Variants in PHLPP1 observed in about 807,000 individuals in gnomAD.
The protein encoded by PHLPP1 is PH domain leucine-rich repeat-containing protein phosphatase 1.
A neutral mutation model predicts 117.2 loss-of-function variants in PHLPP1; 42 were observed. The ratio of observed to expected loss-of-function variants is 0.36; its 90% CI spans 0.28 to 0.46. The LOEUF (loss-of-function observed/expected upper bound fraction) is 0.46, where lower values mean the gene tolerates loss of function less well. PHLPP1 is among the 20% of genes least tolerant of loss of function. PHLPP1 has a pLI of 1.00. For synonymous variants in PHLPP1, 1,042 were observed against 970.7 expected (o/e 1.07, Z -1.37); for missense variants, 2,084 against 2,241.9 (o/e 0.93, Z 1.42).
In PHLPP1 at chr18:62,848,960, A is replaced by G. The variant is rs554558050; in HGVS notation, c.1899+10051A>G. Among the ~76,000 whole-genome samples, 3 of 152,376 alleles carry G rather than the reference A, an allele frequency of 2.0e-5. No homozygotes were observed. The South Asian group carries it at 6.2e-4, about 32-fold the overall frequency. On this transcript the variant is annotated intron_variant, in intron 3 of 16. Coordinates refer to ENST00000262719, the MANE Select transcript of PHLPP1 (RefSeq NM_194449.4). ...GACTGAAAACAAAGATTTAAATAAT[A>G]ACTAAGATTTACTGAAAATATCTCA...
At chr18:62,733,155 G>T (rs1911273060) in intron 1 of PHLPP1, among the ~76,000 whole-genome samples, 1 of 152,206 alleles carries the variant, frequency 6.6e-6, no homozygotes, top group Non-Finnish European at 1.5e-5. Flanking sequence ...GAAATCTTTT[G>T]TGAAAGGAAT....
At chr18:62,810,955 A>T (rs948676353) in intron 1 of PHLPP1, among the ~76,000 whole-genome samples, 1 of 152,176 alleles carries the variant, frequency 6.6e-6, no homozygotes, top group Non-Finnish European at 1.5e-5. Context: ...TTAAGATGAG[A>T]TCATACTGGA....
At chr18:62,786,659 T>A (rs141475482) in intron 1 of PHLPP1, among the ~76,000 whole-genome samples, 1 of 152,246 alleles carries the variant, frequency 6.6e-6, no homozygotes, top group African/African-American at 2.4e-5. Context: ...GAATAAAAAA[T>A]CATTGACTTT....
chr18:62,764,193 C>T (rs1912376323), intron 1 of PHLPP1, among the ~76,000 whole-genome samples: 1 of 149,318 alleles, frequency 6.7e-6, no homozygotes, highest in African/African-American at 2.5e-5. Context: ...ACAACAACAA[C>T]CAAAAAAACA....
chr18:62,975,368 G>T, intron 15 of PHLPP1, 29 bp from the exon 16 acceptor site: 1 of 1,505,768 alleles, frequency 6.6e-7, no homozygotes, highest in South Asian at 1.1e-5. Context: ...GGCTGTGTTT[G>T]AGTGTCACCC....
At chr18:62,867,040 G>T (rs1191976353) in intron 4 of PHLPP1, among the ~76,000 whole-genome samples, 2 of 151,938 alleles carry the variant, frequency 1.3e-5, no homozygotes, top group African/African-American at 4.8e-5. Flanking sequence ...GTTTTATTTT[G>T]TATTTTTAAA....
chr18:62,798,500 G>T (rs747990776), intron 1 of PHLPP1, among the ~76,000 whole-genome samples: 4 of 152,142 alleles, frequency 2.6e-5, no homozygotes, highest in Non-Finnish European at 4.4e-5. Context: ...ACTCACAGAA[G>T]TGCCCTACTT....
intron 4 of PHLPP1, among the ~76,000 whole-genome samples, chr18:62,868,373 G>T (rs1380991212): frequency 6.6e-6 from 1 of 151,918 alleles, no homozygotes; most frequent in Non-Finnish European, 1.5e-5. Context: ...ATTGTATCTT[G>T]CCTGTAACTT....
chr18:62,837,071 T>C (rs1914925842), intron 2 of PHLPP1, among the ~76,000 whole-genome samples: 1 of 152,182 alleles, frequency 6.6e-6, no homozygotes, highest in African/African-American at 2.4e-5. Context: ...AGCCTTGACC[T>C]CCCCAGGCTT....
intron 3 of PHLPP1, among the ~76,000 whole-genome samples, chr18:62,842,606 C>T (rs1177015393): frequency 4.6e-5 from 7 of 151,900 alleles, no homozygotes; most frequent in African/African-American, 1.5e-4. Flanking sequence ...TCAGATGATC[C>T]GCCTGCCTCA....
intron 4 of PHLPP1, among the ~76,000 whole-genome samples, chr18:62,881,258 T>C (rs1456861067): frequency 6.6e-6 from 1 of 152,102 alleles, no homozygotes; most frequent in Non-Finnish European, 1.5e-5. Context: ...AAATAAATAA[T>C]AAAGGGTTTT....
At chr18:62,840,326 A>G (rs1306886120) in intron 3 of PHLPP1, among the ~76,000 whole-genome samples, 1 of 152,202 alleles carries the variant, frequency 6.6e-6, no homozygotes, top group Admixed American at 6.5e-5. Flanking sequence ...CTCTCAACCT[A>G]ATAGACAAAT....
chr18:62,826,261 A>C (rs2144327681), intron 1 of PHLPP1: 1 of 430,074 alleles, frequency 2.3e-6, no homozygotes, highest in Non-Finnish European at 4.7e-6. Flanking sequence ...GACAATTAAA[A>C]TCCTGAATTC....
intron 1 of PHLPP1, among the ~76,000 whole-genome samples, chr18:62,801,633 A>G (rs893118943): frequency 8.0e-5 from 12 of 150,616 alleles, no homozygotes; most frequent in African/African-American, 2.9e-4. Flanking sequence ...TTGTATTTTT[A>G]CTAGAGATGG....
chr18:62,941,942 GTTCTGAATTGCAT>G (rs773237476), intron 11 of PHLPP1, 24 bp downstream of exon 11: 1 of 1,551,516 alleles, frequency 6.4e-7, no homozygotes, highest in South Asian at 1.1e-5. Flanking sequence ...GTAAAGCTGC[GTTCTGAATTGCAT>G]TTCTCAAAGT....
intron 11 of PHLPP1, among the ~76,000 whole-genome samples, chr18:62,942,483 G>A (rs1164313245): frequency 6.6e-6 from 1 of 152,182 alleles, no homozygotes; most frequent in Non-Finnish European, 1.5e-5. Flanking sequence ...TATTCATGAT[G>A]TACAGAGCAG....
chr18:62,896,031 A>G lies in PHLPP1; in HGVS notation c.2444+20A>G, dbSNP rs1916554882. 6.8e-7 allele frequency: 1 copy of G among 1,475,464 alleles called. No individual in the cohort carries two copies. The highest frequency in any genetic ancestry group is 1.4e-5 in the African/African-American group (1 of 72,280). 91.4% of individuals were successfully genotyped at this position (1,475,464 alleles called of 1,614,324 possible). A position where few individuals can be genotyped will look rare whatever the true frequency, so the allele number is the denominator to read the frequency against. ...TCTAAGGTAACCATTTTTGAGAAATAGATCTCATTTGAGTGGCTGGCTTAT... is the reference window on the plus strand; with the variant it reads ...TCTAAGGTAACCATTTTTGAGAAATGGATCTCATTTGAGTGGCTGGCTTAT... On this transcript the variant is annotated intron_variant, in intron 6 of 16. Transcript: ENST00000262719.
intron 14 of PHLPP1, among the ~76,000 whole-genome samples, chr18:62,967,488 T>C (rs1181943936): frequency 1.3e-5 from 2 of 152,166 alleles, no homozygotes; most frequent in African/African-American, 2.4e-5. Flanking sequence ...CCCTACTCTT[T>C]CCATATGTTT....
chr18:62,937,637 T>A (rs1910013331), intron 10 of PHLPP1, among the ~76,000 whole-genome samples: 1 of 152,188 alleles, frequency 6.6e-6, no homozygotes, highest in Non-Finnish European at 1.5e-5. Flanking sequence ...TGCCAAATAA[T>A]GTTACTTTCT....
Sources: allele counts gnomAD v4.1 joint callset (sites outside exome capture counted in the v4.1 genomes callset), GRCh38; gene constraint gnomAD v4.1.1; transcripts MANE v1.5; gene names NCBI Gene and HGNC (gene_info 2026-07-23, HGNC 2026-07-21).